SLC44A5: variants seen among roughly 807,000 people sequenced by gnomAD.
The protein encoded by SLC44A5 is choline transporter-like protein 5.
SLC44A5 carries 57 observed loss-of-function variants against 101.8 expected under a neutral mutation model. The observed-to-expected ratio is 0.56, with a 90% CI of 0.45 to 0.70. The LOEUF (loss-of-function observed/expected upper bound fraction) is 0.70, where lower values mean the gene tolerates loss of function less well. Ranked by LOEUF, SLC44A5 falls within the 30% of genes least tolerant of loss-of-function variation. SLC44A5 has a pLI of 0.00. For missense variants in SLC44A5, 737 were observed against 853.1 expected (o/e 0.86, Z 1.70); for synonymous variants, 281 against 290.9 (o/e 0.97, Z 0.35).
intron 2 of SLC44A5, among the ~76,000 whole-genome samples, chr1:75,467,705 C>A (rs150300492): frequency 2.6e-5 from 4 of 152,266 alleles, no homozygotes; most frequent in African/African-American, 9.6e-5. Flanking sequence ...AGGTGTAAAT[C>A]TAAGACTTCA....
At chr1:75,667,391 A>T in the SLC44A5 span, among the ~76,000 whole-genome samples, 2 of 152,196 alleles carry the variant, frequency 1.3e-5, no homozygotes, top group Non-Finnish European at 2.9e-5. Context: ...GACTTCTTCA[A>T]GGAGAACTAC....
chr1:75,674,042 C>T, the SLC44A5 span, among the ~76,000 whole-genome samples: 1 of 152,074 alleles, frequency 6.6e-6, no homozygotes, highest in Non-Finnish European at 1.5e-5. Context: ...ACCAGCAAAA[C>T]ATGACCTCAC....
intron 3 of SLC44A5, among the ~76,000 whole-genome samples, chr1:75,355,033 G>T (rs1658964961): frequency 6.6e-6 from 1 of 152,154 alleles, no homozygotes; most frequent in Non-Finnish European, 1.5e-5. Context: ...CCACCACTGT[G>T]TGTTATCAGT....
chr1:75,252,748 G>C (rs1226968485), intron 6 of SLC44A5, among the ~76,000 whole-genome samples: 1 of 152,078 alleles, frequency 6.6e-6, no homozygotes, highest in Non-Finnish European at 1.5e-5. Flanking sequence ...GAGACCACAA[G>C]AGAATTGAAA....
At chr1:75,617,632 A>T in the SLC44A5 span, among the ~76,000 whole-genome samples, 1 of 152,230 alleles carries the variant, frequency 6.6e-6, no homozygotes, top group African/African-American at 2.4e-5. Context: ...TCCTCTCACA[A>T]TGAAGATGTG....
At chr1:75,270,106 C>T (rs1291479004) in intron 6 of SLC44A5, among the ~76,000 whole-genome samples, 1 of 152,108 alleles carries the variant, frequency 6.6e-6, no homozygotes, top group African/African-American at 2.4e-5. Context: ...CCATTAAGCC[C>T]CTTTTTCTTT....
chr1:75,322,396 T>A (rs1285044909), intron 4 of SLC44A5, among the ~76,000 whole-genome samples: 8 of 146,526 alleles, frequency 5.5e-5, no homozygotes, highest in Middle Eastern at 3.6e-3. Context: ...CTCCCTCTTT[T>A]TAAAAAAAAA....
chr1:75,723,869 T>C, the SLC44A5 span: 1 of 152,170 alleles, frequency 6.6e-6, no homozygotes, highest in Non-Finnish European at 1.5e-5. Flanking sequence ...ACAGCTAAAT[T>C]AGATGAATTT....
At chr1:75,600,360 C>T (rs1313401094) in intron 1 of SLC44A5, among the ~76,000 whole-genome samples, 1 of 152,068 alleles carries the variant, frequency 6.6e-6, no homozygotes, top group Admixed American at 6.6e-5. Context: ...ACAGTAGGAC[C>T]ACTTGTTTTC....
intron 5 of SLC44A5, among the ~76,000 whole-genome samples, chr1:75,283,281 C>T (rs1249340943): frequency 1.3e-5 from 2 of 151,910 alleles, no homozygotes; most frequent in Admixed American, 1.3e-4. Flanking sequence ...TGTTTGTTGG[C>T]CATTTGTATA....
chr1:75,280,020 AGT>A (rs111754225), intron 5 of SLC44A5, among the ~76,000 whole-genome samples: 8,606 of 148,718 alleles, frequency 0.058, 294 homozygotes, highest in Middle Eastern at 0.12. Context: ...TGCATTCCTG[AGT>A]TACTTCACTT....
the SLC44A5 span, chr1:75,710,538 TG>T: frequency 8.5e-6 from 1 of 117,920 alleles, no homozygotes; most frequent in Admixed American, 1.2e-4. Context: ...CACTCCAGCC[TG>T]GGTAACAGAG....
chr1:75,282,226 A>G (rs1015451264), intron 5 of SLC44A5, among the ~76,000 whole-genome samples: 2 of 152,346 alleles, frequency 1.3e-5, no homozygotes, highest in Non-Finnish European at 2.9e-5. Flanking sequence ...TTTAAGGTTT[A>G]ATGACTGCCC....
intron 4 of SLC44A5, among the ~76,000 whole-genome samples, chr1:75,333,139 A>C (rs1377808796): frequency 6.6e-6 from 1 of 152,188 alleles, no homozygotes; most frequent in Non-Finnish European, 1.5e-5. Context: ...TGATTTGTAA[A>C]ATAGTTTGGA....
chr1:75,720,969 C>T, the SLC44A5 span, among the ~76,000 whole-genome samples: 1 of 152,064 alleles, frequency 6.6e-6, no homozygotes, highest in Non-Finnish European at 1.5e-5. Flanking sequence ...AAGGAAATGT[C>T]TGGGTTAAGA....
chr1:75,605,807 T>C (rs1675289191), intron 1 of SLC44A5, among the ~76,000 whole-genome samples: 1 of 152,086 alleles, frequency 6.6e-6, no homozygotes, highest in Non-Finnish European at 1.5e-5. Context: ...AACAATGGGA[T>C]AGGGAAAGCT....
intron 2 of SLC44A5, among the ~76,000 whole-genome samples, chr1:75,465,105 A>G (rs1219924865): frequency 1.3e-5 from 2 of 152,200 alleles, no homozygotes; most frequent in Non-Finnish European, 1.5e-5. Flanking sequence ...TCATCAGCAC[A>G]TGGATCATTC....
chr1:75,359,497 T>C (rs368388415), intron 3 of SLC44A5, among the ~76,000 whole-genome samples: 19 of 152,024 alleles, frequency 1.2e-4, no homozygotes, highest in African/African-American at 4.6e-4. Flanking sequence ...CACCTTGGTC[T>C]CCCAAAGTGC....
chr1:75,230,253 CTTTTTT>C (rs5775278), intron 12 of SLC44A5, among the ~76,000 whole-genome samples: 2 of 146,878 alleles, frequency 1.4e-5, no homozygotes, highest in East Asian at 4.1e-4. Context: ...AATGAATTCA[CTTTTTT>C]TTTTTTGAGA....
Sources: allele counts gnomAD v4.1 joint callset (sites outside exome capture counted in the v4.1 genomes callset), GRCh38; gene constraint gnomAD v4.1.1; transcripts MANE v1.5; gene names NCBI Gene and HGNC (gene_info 2026-07-23, HGNC 2026-07-21).